Variants in ANK3 observed in about 807,000 individuals in gnomAD.
ANK3 encodes the protein ankyrin 3.
ANK3 carries 57 observed loss-of-function variants against 370.9 expected under a neutral mutation model. That is an observed-to-expected ratio of 0.15 (90% confidence interval 0.12 to 0.19). ANK3 has a LOEUF of 0.19. Ranked by LOEUF, ANK3 falls within the 10% of genes least tolerant of loss-of-function variation. ANK3 has a pLI of 1.00. For missense variants in ANK3, 4,439 were observed against 5,302.1 expected, an observed-to-expected ratio of 0.84 and a Z score of 5.06; for synonymous variants, 1,929 against 1,946.3, an observed-to-expected ratio of 0.99 and a Z score of 0.23.
intron 2 of ANK3, among the ~76,000 whole-genome samples, chr10:60,474,446 C>T (rs190031617): frequency 6.6e-6 from 1 of 152,264 alleles, no homozygotes; most frequent in Admixed American, 6.5e-5. Flanking sequence ...TGAAAGATGC[C>T]TCCGCCTCTC....
In ANK3 at chr10:60,172,426, G is replaced by GAGGAATT. The variant is rs1258818120; in HGVS notation, c.2383-30_2383-24dup. The GAGGAATT allele has an allele frequency of 3.8e-6, 6 of 1,599,446 alleles. No individual in the cohort carries two copies. In the Admixed American group the frequency reaches 5.0e-5, roughly 13 times the overall value. Reference sequence around the variant, plus strand: ...ATTCTGGCAAAAGGAAAATGTGAGTGAGGAATTAGCAAGCCTTATTCCACA... The same window carrying GAGGAATT: ...ATTCTGGCAAAAGGAAAATGTGAGTGAGGAATTAGGAATTAGCAAGCCTTATTCCACA... On this transcript the variant is annotated intron_variant, in intron 20 of 43. Coordinates refer to ENST00000280772, the MANE Select transcript of ANK3 (RefSeq NM_020987.5).
intron 23 of ANK3, among the ~76,000 whole-genome samples, chr10:60,165,063 G>A (rs2095591798): frequency 1.3e-5 from 2 of 152,142 alleles, no homozygotes; most frequent in Admixed American, 6.6e-5. Context: ...TTATCCATAT[G>A]TATAAGGCTG....
rs2083642412 is a variant in ANK3 at position 60,075,718 on chromosome 10, G to A, written c.5163C>T (p.Ser1721=). 1.2e-6 allele frequency: 2 copies of A among 1,613,908 alleles called. No homozygotes were observed. The highest frequency in any genetic ancestry group is 1.7e-6 in the Non-Finnish European group (2 of 1,179,980). ...AEVALVNGSI[S]PLKYPSSSTL... ...TTGAGGATGATGGATATTTTAGAGG[G>A]GAAATAGATCCATTGACTAATGCTA... Residue 1721 remains serine (S), a synonymous_variant, in exon 37 of 44, where the codon TCC becomes TCT. Coordinates refer to ENST00000280772, the MANE Select transcript of ANK3 (RefSeq NM_020987.5).
intron 2 of ANK3, among the ~76,000 whole-genome samples, chr10:60,539,325 A>G (rs899115045): frequency 2.6e-5 from 4 of 151,914 alleles, no homozygotes; most frequent in Non-Finnish European, 5.9e-5. Flanking sequence ...CCTTTGTTGT[A>G]CCTTATGAAG....
intron 1 of ANK3, among the ~76,000 whole-genome samples, chr10:60,664,239 A>G (rs890440869): frequency 5.3e-5 from 8 of 152,360 alleles, no homozygotes; most frequent in South Asian, 2.1e-4. Flanking sequence ...TTCTTGTACT[A>G]ATACTGTCAA....
At chr10:60,361,380 A>C (rs1191459602) in intron 1 of ANK3, among the ~76,000 whole-genome samples, 1 of 152,218 alleles carries the variant, frequency 6.6e-6, no homozygotes, top group East Asian at 1.9e-4. Flanking sequence ...ATACACTAGA[A>C]TTTCAAAGTG....
chr10:60,636,185 CAA>C (rs1438663235), intron 1 of ANK3, among the ~76,000 whole-genome samples: 1 of 152,152 alleles, frequency 6.6e-6, no homozygotes, highest in African/African-American at 2.4e-5. Flanking sequence ...ATAGGCAACA[CAA>C]ATTTAATTTC....
intron 7 of ANK3, among the ~76,000 whole-genome samples, chr10:60,237,065 C>T (rs762314967): frequency 3.3e-5 from 5 of 152,234 alleles, no homozygotes; most frequent in African/African-American, 4.8e-5. Flanking sequence ...GCACAGCTTT[C>T]GACTGTGTAT....
intron 12 of ANK3, among the ~76,000 whole-genome samples, chr10:60,202,587 C>G (rs1195096494): frequency 6.6e-6 from 1 of 152,142 alleles, no homozygotes; most frequent in African/African-American, 2.4e-5. Context: ...TTTAAGTAGT[C>G]ATATTAATTA....
chr10:60,452,759 G>T (rs535118861), intron 2 of ANK3, among the ~76,000 whole-genome samples: 1 of 152,164 alleles, frequency 6.6e-6, no homozygotes, highest in Non-Finnish European at 1.5e-5. Flanking sequence ...CTGCAGATTT[G>T]GGTGTCTCTT....
At chr10:60,538,880 C>A (rs1324385629) in intron 2 of ANK3, among the ~76,000 whole-genome samples, 2 of 151,860 alleles carry the variant, frequency 1.3e-5, no homozygotes, top group Non-Finnish European at 1.5e-5. Flanking sequence ...GTTATTGAAA[C>A]AATGGCTTCT....
chr10:60,172,823 G>T, intron 20 of ANK3, 77 bp downstream of exon 20: 1 of 898,822 alleles, frequency 1.1e-6, no homozygotes, highest in Non-Finnish European at 1.8e-6. Flanking sequence ...AAAGTACAAT[G>T]AAAAACGTAA....
chr10:60,340,830 G>A (rs759462378), intron 1 of ANK3, among the ~76,000 whole-genome samples: 13 of 152,104 alleles, frequency 8.5e-5, no homozygotes, highest in Admixed American at 1.3e-4. Flanking sequence ...TGCAAACACT[G>A]ATCTAAACAC....
At chr10:60,280,822 T>C (rs960047437) in intron 1 of ANK3, among the ~76,000 whole-genome samples, 2 of 152,232 alleles carry the variant, frequency 1.3e-5, no homozygotes, top group Non-Finnish European at 2.9e-5. Flanking sequence ...GCCTCATCTG[T>C]GAAGCCTGCC....
At chr10:60,399,797 T>C (rs910687162) in intron 2 of ANK3, among the ~76,000 whole-genome samples, 9 of 152,298 alleles carry the variant, frequency 5.9e-5, no homozygotes, top group African/African-American at 2.2e-4. Flanking sequence ...TGTGGTCTTT[T>C]CTGCAGAGGT....
chr10:60,228,616 A>G (rs2097199408), intron 8 of ANK3, among the ~76,000 whole-genome samples: 1 of 151,904 alleles, frequency 6.6e-6, no homozygotes, highest in Non-Finnish European at 1.5e-5. Context: ...GAAACAATTT[A>G]GTATTCATAA....
Position 60,217,872 on chromosome 10 carries a change from T to C in ANK3, c.898-4362A>G, listed in dbSNP as rs1243658376. ...AATGGGATGTTAAAGTCTCCCACTA[T>C]TATGGTGTGGGAGTTTAGTCTCTTT... On this transcript the variant is annotated intron_variant, in intron 8 of 43. Coordinates refer to ENST00000280772, the MANE Select transcript of ANK3 (RefSeq NM_020987.5). 5.3e-5 allele frequency among the ~76,000 whole-genome samples: 8 copies of C among 152,256 alleles called. No individual in the cohort carries two copies. In the East Asian group the frequency reaches 1.4e-3, roughly 26 times the overall value.
At chr10:60,229,904 C>T (rs1184677697) in intron 8 of ANK3, among the ~76,000 whole-genome samples, 1 of 152,140 alleles carries the variant, frequency 6.6e-6, no homozygotes, top group Non-Finnish European at 1.5e-5. Flanking sequence ...TGTAGCTTTG[C>T]AAATAATACT....
At chr10:60,529,588 A>T (rs946309670) in intron 2 of ANK3, among the ~76,000 whole-genome samples, 7 of 152,202 alleles carry the variant, frequency 4.6e-5, no homozygotes, top group African/African-American at 1.7e-4. Flanking sequence ...CAAGAATGGC[A>T]AAGTTCAAAC....
Sources: gnomAD v4.1 joint callset for allele counts (sites outside exome capture counted in the v4.1 genomes callset) on GRCh38, gnomAD v4.1.1 for gene constraint, MANE v1.5 for transcripts, NCBI Gene and HGNC (gene_info 2026-07-23, HGNC 2026-07-21) for gene names.